Variants in LGR5 observed in about 807,000 individuals in gnomAD.
The protein encoded by LGR5 is leucine-rich repeat-containing G protein-coupled receptor 5.
Under a neutral mutation model 76.7 loss-of-function variants are expected in LGR5, and 54 were observed. The ratio of observed to expected loss-of-function variants is 0.70; its 90% CI spans 0.57 to 0.88. The LOEUF is 0.88. LGR5 is among the 40% of genes least tolerant of loss of function. The pLI, the probability that LGR5 is intolerant of heterozygous loss-of-function variation, is 0.00. For synonymous variants in LGR5, 406 were observed against 421.9 expected (o/e 0.96, Z 0.46); for missense variants, 1,078 against 1,073.3 (o/e 1.00, Z -0.06).
chr12:71,532,666 AGAT>A (rs1486529394), intron 3 of LGR5, among the ~76,000 whole-genome samples: 1 of 152,208 alleles, frequency 6.6e-6, no homozygotes, highest in Non-Finnish European at 1.5e-5. Flanking sequence ...CTTTTCAACC[AGAT>A]GATATTATTC....
chr12:71,576,949 T>C (rs1878883153), intron 13 of LGR5, among the ~76,000 whole-genome samples: 1 of 152,182 alleles, frequency 6.6e-6, no homozygotes, highest in Non-Finnish European at 1.5e-5. Flanking sequence ...CCTCCCCTTG[T>C]TAGCTGCAAT....
At chr12:71,490,157 A>C (rs968131889) in intron 1 of LGR5, among the ~76,000 whole-genome samples, 5 of 152,028 alleles carry the variant, frequency 3.3e-5, no homozygotes, top group African/African-American at 9.7e-5. Flanking sequence ...CATAAAAATC[A>C]AATAGTAACT....
chr12:71,565,786 A>G (rs1018030963), intron 8 of LGR5, among the ~76,000 whole-genome samples: 1 of 151,764 alleles, frequency 6.6e-6, no homozygotes. Flanking sequence ...AGTATATGGC[A>G]CTCCATTGAC....
chr12:71,571,837 A>G (rs151136502), intron 12 of LGR5, among the ~76,000 whole-genome samples: 10 of 152,314 alleles, frequency 6.6e-5, no homozygotes, highest in Non-Finnish European at 1.2e-4. Context: ...TCAGGGTACT[A>G]GTGAATTGGG....
At chr12:71,487,343 A>G (rs1382613567) in intron 1 of LGR5, among the ~76,000 whole-genome samples, 2 of 152,236 alleles carry the variant, frequency 1.3e-5, no homozygotes, top group East Asian at 3.8e-4. Context: ...TATTAATTTT[A>G]TACAGTGAAA....
At chr12:71,491,564 G>T (rs60176315) in intron 1 of LGR5, among the ~76,000 whole-genome samples, 3,433 of 151,796 alleles carry the variant, frequency 0.023, 132 homozygotes, top group African/African-American at 0.079. Flanking sequence ...TCTGGTAGAA[G>T]AACATAACTA....
At chr12:71,524,385 C>A in intron 2 of LGR5, 21 bp from the exon 3 acceptor site, 2 of 1,588,106 alleles carry the variant, frequency 1.3e-6, no homozygotes, top group Non-Finnish European at 1.7e-6. Context: ...CACTCTCTCT[C>A]CTCTCCATTG....
At chr12:71,531,436 A>G (rs1229226254) in intron 3 of LGR5, among the ~76,000 whole-genome samples, 1 of 152,244 alleles carries the variant, frequency 6.6e-6, no homozygotes, top group African/African-American at 2.4e-5. Context: ...TTTGAAAGTA[A>G]TTAAACAAAA....
At chr12:71,554,870 TA>T (rs1181407672) in intron 5 of LGR5, among the ~76,000 whole-genome samples, 1 of 152,206 alleles carries the variant, frequency 6.6e-6, no homozygotes, top group Non-Finnish European at 1.5e-5. Flanking sequence ...CAGTTTTCTT[TA>T]AAAATGTAGC....
chr12:71,502,191 T>C (rs1217654198), intron 1 of LGR5, among the ~76,000 whole-genome samples: 6 of 149,570 alleles, frequency 4.0e-5, no homozygotes, highest in South Asian at 4.2e-4. Context: ...ATAGGTACTT[T>C]CCTTTTTTTT....
At chr12:71,534,531 T>G (rs1282227211) in intron 3 of LGR5, among the ~76,000 whole-genome samples, 6 of 152,210 alleles carry the variant, frequency 3.9e-5, no homozygotes, top group Non-Finnish European at 1.5e-5. Context: ...CATGTCATTT[T>G]CCTACATATG....
At chr12:71,567,101 T>C in intron 11 of LGR5, 189 bp downstream of exon 11, 1 of 578,356 alleles carries the variant, frequency 1.7e-6, no homozygotes, top group Admixed American at 3.0e-5. Flanking sequence ...CAAATGGTAA[T>C]GTACCCTTTG....
intron 1 of LGR5, among the ~76,000 whole-genome samples, chr12:71,469,138 A>C (rs191719130): frequency 6.6e-6 from 1 of 152,206 alleles, no homozygotes; most frequent in Non-Finnish European, 1.5e-5. Context: ...TTCTACATTC[A>C]TTCTCTGAGC....
intron 1 of LGR5, among the ~76,000 whole-genome samples, chr12:71,482,477 A>G (rs1488621762): frequency 2.0e-5 from 3 of 152,150 alleles, no homozygotes; most frequent in Admixed American, 2.0e-4. Flanking sequence ...GACAACAGCC[A>G]TATAAAATTA....
chr12:71,570,964 T>C (rs550439109), intron 11 of LGR5, among the ~76,000 whole-genome samples: 1 of 152,346 alleles, frequency 6.6e-6, no homozygotes, highest in South Asian at 2.1e-4. Context: ...TTAGATTAGT[T>C]ATATTATACT....
intron 2 of LGR5, among the ~76,000 whole-genome samples, chr12:71,513,856 C>G (rs1875292968): frequency 6.6e-6 from 1 of 152,182 alleles, no homozygotes; most frequent in African/African-American, 2.4e-5. Context: ...AGATCTGAAG[C>G]AACTGAGGCA....
At chr12:71,448,033 G>A (rs2137201870) in intron 1 of LGR5, among the ~76,000 whole-genome samples, 1 of 151,004 alleles carries the variant, frequency 6.6e-6, no homozygotes, top group African/African-American at 2.4e-5. Context: ...TCAGTTTGCA[G>A]CCAAATTCCT....
chr12:71,440,218 G>A lies in LGR5; in HGVS notation c.138G>A (p.Met46Ile). The A allele has an allele frequency of 3.1e-6, 5 of 1,613,284 alleles. No individual in the cohort carries two copies. Among genetic ancestry groups the A allele is most frequent in the Non-Finnish European group, 4.2e-6 (5 of 1,179,892 alleles). ...THCHCEPDGRMLLRVDCSDLG... is the reference protein window; with the variant it reads ...THCHCEPDGRILLRVDCSDLG... ...GTCATTGCGAGCCCGACGGCAGGATGTTGCTCAGGGTGGACTGCTCCGACC... is the reference window on the plus strand; with the variant it reads ...GTCATTGCGAGCCCGACGGCAGGATATTGCTCAGGGTGGACTGCTCCGACC... Residue 46 changes from methionine (M) to isoleucine (I), a missense_variant, in exon 1 of 18, where the codon ATG becomes ATA. Physicochemically the swap from Met to Ile is conservative, Grantham distance 10. Transcript: ENST00000266674. The surrounding 1 kb of genome is among the most constrained non-coding windows in gnomAD (Gnocchi z 5.3).
At position 71,440,568 on chromosome 12, in the gene LGR5, C is replaced by T. The variant is rs1871719364; in HGVS notation, c.212+276C>T. 6.6e-6 allele frequency among the ~76,000 whole-genome samples: 1 copy of T among 152,228 alleles called. No individual in the cohort carries two copies. Among genetic ancestry groups the T allele is most frequent in the Non-Finnish European group, 1.5e-5 (1 of 68,038 alleles). On this transcript the variant is annotated intron_variant, in intron 1 of 17. Transcript: ENST00000266674. The surrounding 1 kb of genome is among the most constrained non-coding windows in gnomAD (Gnocchi z 5.3). ...CAGCTTCCCAGTCCAGCGCTAGAAACATCGCAGGGCGAATTCCTGCAAATG... is the reference window on the plus strand; with the variant it reads ...CAGCTTCCCAGTCCAGCGCTAGAAATATCGCAGGGCGAATTCCTGCAAATG...
Sources: allele counts gnomAD v4.1 joint callset (sites outside exome capture counted in the v4.1 genomes callset), GRCh38; gene constraint gnomAD v4.1.1; non-coding constraint Gnocchi (gnomAD v3.1); transcripts MANE v1.5; gene names NCBI Gene and HGNC (gene_info 2026-07-23, HGNC 2026-07-21).